The following LPP variants were observed in gnomAD, a reference collection of about 807,000 sequenced individuals.
The protein encoded by LPP is LIM domain containing preferred translocation partner in lipoma, also known as lipoma-preferred partner.
Under a neutral mutation model 60.4 loss-of-function variants are expected in LPP, and 38 were observed. The observed-to-expected ratio is 0.63, with a 90% CI of 0.49 to 0.83. The LOEUF (loss-of-function observed/expected upper bound fraction) is 0.83. Ranked by LOEUF, LPP falls within the 40% of genes least tolerant of loss-of-function variation. The pLI is 0.00. For synonymous variants in LPP, 328 were observed against 290.8 expected, an observed-to-expected ratio of 1.13 and a Z score of -1.30; for missense variants, 902 against 783.6, an observed-to-expected ratio of 1.15 and a Z score of -1.80.
intron 3 of LPP, among the ~76,000 whole-genome samples, chr3:188,395,404 A>AT (rs1400999280): frequency 2.0e-5 from 3 of 151,054 alleles, no homozygotes; most frequent in African/African-American, 7.4e-5. Context: ...AGAAATTATT[A>AT]TTATTTTTTT....
At chr3:188,719,847 T>A (rs561751480) in intron 8 of LPP, among the ~76,000 whole-genome samples, 3 of 152,362 alleles carry the variant, frequency 2.0e-5, no homozygotes, top group African/African-American at 4.8e-5. Flanking sequence ...GCATAATTAA[T>A]TGACTGTCAG....
At chr3:188,859,237 TAA>T (rs2151930879) in intron 9 of LPP, among the ~76,000 whole-genome samples, 1 of 152,198 alleles carries the variant, frequency 6.6e-6, no homozygotes, top group African/African-American at 2.4e-5. Context: ...GCGACTCCTA[TAA>T]GAGTATTAGA....
At chr3:188,434,779 A>G (rs960925714) in intron 4 of LPP, among the ~76,000 whole-genome samples, 47 of 152,202 alleles carry the variant, frequency 3.1e-4, no homozygotes, top group African/African-American at 1.1e-3. Context: ...CCTGGGGTCA[A>G]TGATGGATCG....
chr3:188,754,349 G>C (rs1407808028), intron 8 of LPP, among the ~76,000 whole-genome samples: 1 of 152,162 alleles, frequency 6.6e-6, no homozygotes, highest in African/African-American at 2.4e-5. Flanking sequence ...TATAAAGATA[G>C]CATTAGGGAG....
At chr3:188,771,416 G>T (rs919129674) in intron 9 of LPP, among the ~76,000 whole-genome samples, 1 of 151,900 alleles carries the variant, frequency 6.6e-6, no homozygotes, top group African/African-American at 2.4e-5. Context: ...GAATGTGGTG[G>T]CACAAGCCTG....
chr3:188,661,813 A>G (rs1854641832), intron 7 of LPP, among the ~76,000 whole-genome samples: 1 of 152,234 alleles, frequency 6.6e-6, no homozygotes, highest in Non-Finnish European at 1.5e-5. Context: ...AATAGGCTTA[A>G]GCGACTAACT....
chr3:188,183,011 G>C (rs115817484), intron 1 of LPP, among the ~76,000 whole-genome samples: 66,119 of 151,324 alleles, frequency 0.44, 14,667 homozygotes, highest in Non-Finnish European at 0.47. Flanking sequence ...GAGGCCCAAA[G>C]AGGTCAATGA....
intron 8 of LPP, among the ~76,000 whole-genome samples, chr3:188,716,240 A>C (rs931488516): frequency 1.3e-5 from 2 of 152,368 alleles, no homozygotes; most frequent in African/African-American, 4.8e-5. Flanking sequence ...AAGTGAAGGC[A>C]TGAGGCAGCA....
Position 188,879,779 on chromosome 3 carries a change from G to C in LPP, c.*5300G>C, listed in dbSNP as rs1769714047. Reference sequence around the variant, plus strand: ...GAATTTTAACACAGATTAACACTTAGCCTGTAAGACTAATAATATATTGTA... The same window carrying C: ...GAATTTTAACACAGATTAACACTTACCCTGTAAGACTAATAATATATTGTA... On this transcript the variant is annotated 3_prime_UTR_variant, in exon 12 of 12. Transcript: ENST00000617246. 2 of 181,000 alleles carry C rather than the reference G, an allele frequency of 1.1e-5. No individual in the cohort carries two copies. The highest frequency in any genetic ancestry group is 3.9e-4 in the South Asian group (2 of 5,068). 11.2% of individuals were successfully genotyped at this position (181,000 alleles called of 1,614,324 possible).
At chr3:188,855,439 C>G (rs1180979607) in intron 9 of LPP, among the ~76,000 whole-genome samples, 1 of 152,160 alleles carries the variant, frequency 6.6e-6, no homozygotes, top group African/African-American at 2.4e-5. Flanking sequence ...GTGATAAGCA[C>G]TATGAAGAAA....
chr3:188,800,393 C>G (rs1417271972), intron 9 of LPP, among the ~76,000 whole-genome samples: 2 of 151,600 alleles, frequency 1.3e-5, no homozygotes, highest in Non-Finnish European at 2.9e-5. Context: ...CTACAGGTGT[C>G]TGCCACCACG....
At chr3:188,399,587 G>C (rs1781760249) in intron 3 of LPP, among the ~76,000 whole-genome samples, 1 of 152,126 alleles carries the variant, frequency 6.6e-6, no homozygotes, top group Non-Finnish European at 1.5e-5. Context: ...GCTAGGCCTT[G>C]AGTTAGTTGC....
At chr3:188,789,022 A>G (rs1002220302) in intron 9 of LPP, among the ~76,000 whole-genome samples, 1 of 151,558 alleles carries the variant, frequency 6.6e-6, no homozygotes, top group Non-Finnish European at 1.5e-5. Context: ...TGTTCCTCCC[A>G]GTCTGTGGCC....
rs868834130 is a variant in LPP, at chr3:188,879,544, G to C, written c.*5065G>C. ...TTAATGAATTTTCATCAGGGACTGA[G>C]GTCATAGATTCTTGGAAAATTCATT... is the stretch of plus-strand genomic sequence containing the variant. On this transcript the variant is annotated 3_prime_UTR_variant, in exon 12 of 12. Coordinates refer to ENST00000617246, the MANE Select transcript of LPP (RefSeq NM_001375462.1). 1 of 193,990 alleles carries C rather than the reference G, an allele frequency of 5.2e-6. No homozygotes were observed. Among genetic ancestry groups the C allele is most frequent in the Non-Finnish European group, 1.1e-5 (1 of 93,088 alleles). The allele number at this position is 193,990 out of a possible 1,614,324, so 12.0% of individuals were successfully genotyped here.
At chr3:188,301,102 G>T (rs1237622129) in intron 2 of LPP, among the ~76,000 whole-genome samples, 1 of 151,864 alleles carries the variant, frequency 6.6e-6, no homozygotes, top group African/African-American at 2.4e-5. Context: ...CCACCCTCCT[G>T]CCTCTCTATC....
chr3:188,307,008 A>G (rs558843780), intron 2 of LPP, among the ~76,000 whole-genome samples: 1 of 152,260 alleles, frequency 6.6e-6, no homozygotes, highest in African/African-American at 2.4e-5. Context: ...CTCAATTTGC[A>G]TCTTCTGTGC....
intron 1 of LPP, among the ~76,000 whole-genome samples, chr3:188,158,279 T>G (rs1447430936): frequency 6.6e-6 from 1 of 151,884 alleles, no homozygotes; most frequent in Non-Finnish European, 1.5e-5. Context: ...AGAAACTTAG[T>G]AGAGTGAGGA....
At chr3:188,769,215 T>C (rs1263669770) in intron 9 of LPP, among the ~76,000 whole-genome samples, 1 of 152,226 alleles carries the variant, frequency 6.6e-6, no homozygotes, top group African/African-American at 2.4e-5. Flanking sequence ...ATTTTGGGGA[T>C]TGAATGTGCT....
chr3:188,824,426 A>G (rs529676095), intron 9 of LPP, among the ~76,000 whole-genome samples: 3 of 152,338 alleles, frequency 2.0e-5, no homozygotes, highest in Non-Finnish European at 4.4e-5. Flanking sequence ...TCAAATGCTC[A>G]AGAACCATTT....
Sources: allele counts gnomAD v4.1 joint callset (sites outside exome capture counted in the v4.1 genomes callset), GRCh38; gene constraint gnomAD v4.1.1; transcripts MANE v1.5; gene names NCBI Gene and HGNC (gene_info 2026-07-23, HGNC 2026-07-21).